Variants in IPO7 observed in about 807,000 individuals in gnomAD.
The protein encoded by IPO7 is importin-7.
In IPO7, 13 loss-of-function variants were observed where a neutral mutation model predicts 136.4. The ratio of observed to expected loss-of-function variants is 0.10; its 90% CI spans 0.06 to 0.15. The LOEUF (loss-of-function observed/expected upper bound fraction) is 0.15. Ranked by LOEUF, IPO7 falls within the 10% of genes least tolerant of loss-of-function variation. The pLI, the probability that IPO7 is intolerant of heterozygous loss-of-function variation, is 1.00. For missense variants in IPO7, 857 were observed against 1,240.6 expected (o/e 0.69, Z 4.65); for synonymous variants, 403 against 404.4 (o/e 1.00, Z 0.04).
chr11:9,386,250 C>G (rs1364442172), intron 1 of IPO7, among the ~76,000 whole-genome samples: 2 of 152,138 alleles, frequency 1.3e-5, no homozygotes, highest in African/African-American at 4.8e-5. Flanking sequence ...TTATACCACA[C>G]AAAGTGATGA....
Position 9,409,503 on chromosome 11 carries a change from C to T in IPO7, c.321-425C>T, listed in dbSNP as rs184837115. Among the ~76,000 whole-genome samples, 14 of 152,130 alleles carry T rather than the reference C, an allele frequency of 9.2e-5. No individual in the cohort carries two copies. The East Asian group carries it at 1.9e-3, about 21-fold the overall frequency. ...GGCCGGGCACAGTGGCCTCAGCCCC[C>T]GGAGTAGCTGGGATTACAGGTGTGC... is the stretch of plus-strand genomic sequence containing the variant. On this transcript the variant is annotated intron_variant, in intron 3 of 24. Coordinates refer to ENST00000379719, the MANE Select transcript of IPO7 (RefSeq NM_006391.3).
chr11:9,440,372 T>C, intron 22 of IPO7, 83 bp from the exon 23 acceptor site: 4 of 1,075,716 alleles, frequency 3.7e-6, no homozygotes, highest in Non-Finnish European at 5.7e-6. Context: ...TGTAATTTAC[T>C]GACAGTGATT....
Position 9,397,341 on chromosome 11 carries a change from A to AAAAATAT in IPO7, c.85-5948_85-5947insAAATATA. Among the ~76,000 whole-genome samples the AAAAATAT allele has an allele frequency of 1.8e-3, 19 of 10,766 alleles. 2 individuals are homozygous for AAAAATAT. The highest frequency in any genetic ancestry group is 2.7e-3 in the Non-Finnish European group (15 of 5,460). The allele number at this position is 10,766 out of a possible 152,430, so 7.1% of individuals were successfully genotyped here. A position where few individuals can be genotyped will look rare whatever the true frequency, so the allele number is the denominator to read the frequency against. On this transcript the variant is annotated intron_variant, in intron 1 of 24. Coordinates refer to ENST00000379719, the MANE Select transcript of IPO7 (RefSeq NM_006391.3). Reference sequence around the variant, plus strand: ...CTTTACTAAAAATAATTTAAAAAAAAATATATATATATATATATATATATT... The same window carrying AAAAATAT: ...CTTTACTAAAAATAATTTAAAAAAAAAAAATATATATATATATATATATATATATATT...
chr11:9,419,506 C>G (rs1445878319), intron 6 of IPO7, among the ~76,000 whole-genome samples: 1 of 145,712 alleles, frequency 6.9e-6, no homozygotes, highest in Non-Finnish European at 1.5e-5. Context: ...CGAGATTGTG[C>G]CACTGCACTC....
At chr11:9,409,625 G>A (rs556397688) in intron 3 of IPO7, among the ~76,000 whole-genome samples, 5 of 152,196 alleles carry the variant, frequency 3.3e-5, no homozygotes, top group Admixed American at 2.0e-4. Context: ...TGATCTTCCC[G>A]CCTGGGCCTC....
At chr11:9,396,578 C>G (rs768169772) in intron 1 of IPO7, among the ~76,000 whole-genome samples, 7 of 152,196 alleles carry the variant, frequency 4.6e-5, no homozygotes, top group Non-Finnish European at 1.0e-4. Flanking sequence ...ACTCCGCATT[C>G]CGCCCCGACC....
intron 2 of IPO7, among the ~76,000 whole-genome samples, chr11:9,405,227 T>G (rs1477426434): frequency 2.6e-5 from 4 of 151,990 alleles, no homozygotes; most frequent in Admixed American, 6.6e-5. Context: ...CAGACTGGAG[T>G]GCAGTGGCGC....
rs535881443 is a variant in IPO7 at position 9,445,256 on chromosome 11, G to A, written c.*62G>A. The A allele has an allele frequency of 2.2e-5, 22 of 1,015,156 alleles. No individual in the cohort carries two copies. Among genetic ancestry groups the A allele is most frequent in the Non-Finnish European group, 2.8e-5 (18 of 643,590 alleles). The allele number at this position is 1,015,156 out of a possible 1,614,324, so 62.9% of individuals were successfully genotyped here. A position where few individuals can be genotyped will look rare whatever the true frequency, so the allele number is the denominator to read the frequency against. On this transcript the variant is annotated 3_prime_UTR_variant, in exon 25 of 25. Coordinates refer to ENST00000379719, the MANE Select transcript of IPO7 (RefSeq NM_006391.3). ...AGAGCTTGTGTTCCTCCTAGTAGTG[G>A]TTCCAGAACTGGTTCATGTTATCTA...
chr11:9,437,641 G>T, intron 20 of IPO7, 113 bp from the exon 21 acceptor site: 1 of 723,772 alleles, frequency 1.4e-6, no homozygotes, highest in Non-Finnish European at 2.3e-6. Context: ...AGTAAATATT[G>T]GTCATCTAAT....
In IPO7 at chr11:9,392,171, C is replaced by CTTTTTTTTTTT; in HGVS notation, c.84+7337_84+7347dup. 1.3e-4 allele frequency: 24 copies of CTTTTTTTTTTT among 183,700 alleles called. 1 individual carries two copies. The highest frequency in any genetic ancestry group is 2.9e-4 in the South Asian group (7 of 24,014). 11.4% of individuals were successfully genotyped at this position (183,700 alleles called of 1,614,324 possible). On this transcript the variant is annotated intron_variant, in intron 1 of 24. Coordinates refer to ENST00000379719, the MANE Select transcript of IPO7 (RefSeq NM_006391.3). ...ATGTCATATTTGCCTTTGTCAAATT[C>CTTTTTTTTTTT]TTTTTTTTTTTTTTTTTTTTTTTGA...
rs765110246 is a variant in IPO7 at position 9,423,056 on chromosome 11, T to C, written c.957T>C (p.Pro319=). The C allele has an allele frequency of 2.7e-5, 44 of 1,603,452 alleles. No individual in the cohort carries two copies. Among genetic ancestry groups the C allele is most frequent in the Non-Finnish European group, 3.7e-5 (43 of 1,172,306 alleles). Reference sequence around the variant, plus strand: ...ACAAGGAGAAGCAATATATGGCTCCTCGAGTTTTACAACAGACATTAAATT... The same window carrying C: ...ACAAGGAGAAGCAATATATGGCTCCCCGAGTTTTACAACAGACATTAAATT... The part of the protein sequence containing the change: ...YQYKEKQYMA[P]RVLQQTLNYI... The change falls in exon 9 of 25, where the codon CCT becomes CCC. Residue 319 remains proline, a synonymous_variant. Transcript: ENST00000379719.
chr11:9,424,542 G>C (rs182336472), intron 10 of IPO7, among the ~76,000 whole-genome samples: 36 of 152,286 alleles, frequency 2.4e-4, no homozygotes, highest in Non-Finnish European at 8.8e-5. Context: ...TCAGGAGTTT[G>C]AGACCAGCCT....
chr11:9,445,038 G>A, intron 24 of IPO7, 59 bp from the exon 25 acceptor site: 1 of 1,071,690 alleles, frequency 9.3e-7, no homozygotes, highest in Non-Finnish European at 1.5e-6. Context: ...TGTTTTGTCA[G>A]TTTCTCACCA....
chr11:9,390,295 G>GTT (rs1235921901), intron 1 of IPO7, among the ~76,000 whole-genome samples: 35 of 142,690 alleles, frequency 2.5e-4, no homozygotes, highest in African/African-American at 5.1e-4. Flanking sequence ...GTGTGTGTGT[G>GTT]TTTTTTTTTT....
chr11:9,435,133 A>G, intron 19 of IPO7, 102 bp downstream of exon 19: 1 of 733,946 alleles, frequency 1.4e-6, no homozygotes, highest in African/African-American at 1.8e-5. Context: ...AAACATGTAA[A>G]CATGGATCTG....
intron 1 of IPO7, among the ~76,000 whole-genome samples, chr11:9,396,660 A>G (rs1198635100): frequency 6.6e-6 from 1 of 152,216 alleles, no homozygotes; most frequent in East Asian, 1.9e-4. Flanking sequence ...ATTTCATGTA[A>G]TTGGAATCAT....
rs980568597 is a variant in IPO7, at chr11:9,428,119, C to CA, written c.1336-412dup. ...TGGGCAACACAGCAAGACTCCGTCT[C>CA]AAAAAAAAAGAAAAAAAAAAGAGTG... On this transcript the variant is annotated intron_variant, in intron 12 of 24. Transcript: ENST00000379719. 1.1e-4 allele frequency among the ~76,000 whole-genome samples: 15 copies of CA among 141,910 alleles called. 1 individual carries two copies. The highest frequency in any genetic ancestry group is 2.0e-4 in the East Asian group (1 of 4,916). 93.1% of individuals were successfully genotyped at this position (141,910 alleles called of 152,430 possible).
At chr11:9,410,410 T>C (rs1159346543) in intron 4 of IPO7, among the ~76,000 whole-genome samples, 1 of 152,170 alleles carries the variant, frequency 6.6e-6, no homozygotes, top group African/African-American at 2.4e-5. Flanking sequence ...AATGTGAAGG[T>C]GATCAGAATA....
chr11:9,409,600 G>C (rs1854939642), intron 3 of IPO7, among the ~76,000 whole-genome samples: 1 of 151,994 alleles, frequency 6.6e-6, no homozygotes, highest in African/African-American at 2.4e-5. Context: ...GGATGGTCTT[G>C]ATCCCTTGAC....
Sources: allele counts gnomAD v4.1 joint callset (sites outside exome capture counted in the v4.1 genomes callset), GRCh38; gene constraint gnomAD v4.1.1; transcripts MANE v1.5; gene names NCBI Gene and HGNC (gene_info 2026-07-23, HGNC 2026-07-21).